Variants in LRRIQ3 observed in about 807,000 individuals in gnomAD.
LRRIQ3 encodes the protein leucine rich repeats and IQ motif containing 3.
Under a neutral mutation model 59.3 loss-of-function variants are expected in LRRIQ3, and 75 were observed. The ratio of observed to expected loss-of-function variants is 1.26; its 90% CI spans 1.05 to 1.53. The LOEUF (loss-of-function observed/expected upper bound fraction) is 1.53. LRRIQ3 is among the 40% of genes most tolerant of loss of function. The probability of loss-of-function intolerance (pLI) is 0.00; values close to 1 mark genes in which losing one functional copy is unlikely to be tolerated. For synonymous variants in LRRIQ3, 250 were observed against 231.3 expected (o/e 1.08, Z -0.73); for missense variants, 831 against 710.0 (o/e 1.17, Z -1.94).
chr1:74,127,484 C>A (rs923362259), intron 4 of LRRIQ3, among the ~76,000 whole-genome samples: 14 of 151,596 alleles, frequency 9.2e-5, no homozygotes, highest in Admixed American at 6.6e-5. Flanking sequence ...TGTGTATCTG[C>A]TGTATTTTTT....
At chr1:74,197,734 AG>A (rs1651299447) in intron 1 of LRRIQ3, among the ~76,000 whole-genome samples, 1 of 152,142 alleles carries the variant, frequency 6.6e-6, no homozygotes, top group Non-Finnish European at 1.5e-5. Flanking sequence ...TAAGGTTCCT[AG>A]AAAGAGCAGA....
At chr1:74,082,482 A>G (rs927003797) in intron 5 of LRRIQ3, 3 of 151,610 alleles carry the variant, frequency 2.0e-5, no homozygotes, top group Non-Finnish European at 3.0e-5. Flanking sequence ...TTCAAGAGGG[A>G]AATTCTTTTT....
chr1:74,117,242 T>C (rs1252039014), intron 4 of LRRIQ3, among the ~76,000 whole-genome samples: 1 of 152,128 alleles, frequency 6.6e-6, no homozygotes, highest in Non-Finnish European at 1.5e-5. Flanking sequence ...TTTATCACAA[T>C]TGGAAATATT....
At chr1:74,194,423 A>T (rs1181338190) in intron 1 of LRRIQ3, among the ~76,000 whole-genome samples, 10 of 152,180 alleles carry the variant, frequency 6.6e-5, no homozygotes, top group Non-Finnish European at 1.3e-4. Flanking sequence ...GGCATATTCT[A>T]TATGTTTTCA....
intron 5 of LRRIQ3, chr1:74,108,821 G>A (rs545273983): frequency 6.2e-6 from 2 of 323,600 alleles, no homozygotes; most frequent in Middle Eastern, 4.9e-4. Context: ...TGTAGCTTTT[G>A]GTAAGTTAAT....
chr1:74,061,827 G>A (rs1337702528), intron 6 of LRRIQ3, among the ~76,000 whole-genome samples: 1 of 152,092 alleles, frequency 6.6e-6, no homozygotes, highest in East Asian at 1.9e-4. Context: ...TTGAGCTCAG[G>A]AACTGGAGAC....
chr1:74,157,887 C>CTA (rs1333081820), intron 3 of LRRIQ3, among the ~76,000 whole-genome samples: 2 of 152,202 alleles, frequency 1.3e-5, no homozygotes, highest in East Asian at 3.9e-4. Context: ...TAGGCCTGAC[C>CTA]TACGTAACAA....
intron 5 of LRRIQ3, chr1:74,082,758 ATATAAT>A (rs1221713065): frequency 5.3e-5 from 8 of 151,572 alleles, no homozygotes; most frequent in African/African-American, 4.8e-5. Context: ...AGCTATATAT[ATATAAT>A]TATATCTCTA....
intron 4 of LRRIQ3, among the ~76,000 whole-genome samples, chr1:74,144,103 G>C (rs1257665638): frequency 1.3e-5 from 2 of 151,712 alleles, no homozygotes; most frequent in Non-Finnish European, 2.9e-5. Context: ...ACCTATTTGG[G>C]CACCTTTCAG....
intron 3 of LRRIQ3, among the ~76,000 whole-genome samples, chr1:74,170,048 T>C (rs1181918552): frequency 6.6e-6 from 1 of 152,180 alleles, no homozygotes; most frequent in African/African-American, 2.4e-5. Context: ...TATTAAGGTA[T>C]AAGAGTTCCT....
chr1:74,187,219 C>G (rs1030221259), intron 1 of LRRIQ3, among the ~76,000 whole-genome samples: 1 of 152,028 alleles, frequency 6.6e-6, no homozygotes, highest in Non-Finnish European at 1.5e-5. Flanking sequence ...AAAAAAGACA[C>G]ATGAACATAC....
At chr1:74,052,052 C>T (rs1202822300) in intron 6 of LRRIQ3, among the ~76,000 whole-genome samples, 1 of 152,066 alleles carries the variant, frequency 6.6e-6, no homozygotes, top group Admixed American at 6.6e-5. Flanking sequence ...CCCAAGCTTA[C>T]CATTTCTTTC....
intron 4 of LRRIQ3, among the ~76,000 whole-genome samples, chr1:74,138,892 A>T (rs1647174418): frequency 6.6e-6 from 1 of 151,642 alleles, no homozygotes; most frequent in South Asian, 2.1e-4. Flanking sequence ...TTATCATAGA[A>T]AATAGGAGAG....
At chr1:74,110,354 T>C (rs1235503993) in intron 4 of LRRIQ3, among the ~76,000 whole-genome samples, 1 of 151,946 alleles carries the variant, frequency 6.6e-6, no homozygotes, top group African/African-American at 2.4e-5. Context: ...GAAAAGAATC[T>C]AGTAATGTAA....
At chr1:74,109,289 T>A in intron 5 of LRRIQ3, 105 bp downstream of exon 5, 1 of 810,198 alleles carries the variant, frequency 1.2e-6, no homozygotes, top group Non-Finnish European at 2.0e-6. Context: ...AACAATGTAA[T>A]GAAGGACATT....
intron 6 of LRRIQ3, among the ~76,000 whole-genome samples, chr1:74,057,840 A>G (rs897033695): frequency 6.6e-6 from 1 of 152,178 alleles, no homozygotes; most frequent in Non-Finnish European, 1.5e-5. Context: ...AGGGGTTAAT[A>G]TCAAAAATAC....
At chr1:74,067,487 A>C (rs1413919380) in intron 6 of LRRIQ3, among the ~76,000 whole-genome samples, 2 of 152,136 alleles carry the variant, frequency 1.3e-5, no homozygotes, top group African/African-American at 4.8e-5. Flanking sequence ...GAAGATGAAG[A>C]AATCAAGTGT....
chr1:74,081,118 T>C (rs975739708), intron 5 of LRRIQ3, among the ~76,000 whole-genome samples: 1 of 151,596 alleles, frequency 6.6e-6, no homozygotes, highest in Non-Finnish European at 1.5e-5. Flanking sequence ...TCAATCTTAC[T>C]TTATCTTAAG....
At chr1:74,093,495 T>C in intron 5 of LRRIQ3, among the ~76,000 whole-genome samples, 1 of 152,122 alleles carries the variant, frequency 6.6e-6, no homozygotes, top group Non-Finnish European at 1.5e-5. Context: ...AAGGTGAATA[T>C]TTTATAATTT....
Sources: allele counts gnomAD v4.1 joint callset (sites outside exome capture counted in the v4.1 genomes callset), GRCh38; gene constraint gnomAD v4.1.1; transcripts MANE v1.5; gene names NCBI Gene and HGNC (gene_info 2026-07-23, HGNC 2026-07-21).